Variants in CEP70 observed in about 807,000 individuals in gnomAD.
CEP70 encodes the protein centrosomal protein 70, also known as centrosomal protein of 70 kDa.
A neutral mutation model predicts 90.9 loss-of-function variants in CEP70; 70 were observed. The observed-to-expected ratio is 0.77, with a 90% CI of 0.64 to 0.94. The LOEUF is 0.94. Ranked by LOEUF, CEP70 falls within the 40% of genes least tolerant of loss-of-function variation. The pLI, the probability that CEP70 is intolerant of heterozygous loss-of-function variation, is 0.00. For synonymous variants in CEP70, 220 were observed against 228.3 expected (o/e 0.96, Z 0.33); for missense variants, 648 against 669.0 (o/e 0.97, Z 0.35).
chr3:138,577,380 G>T (rs959616071), intron 2 of CEP70, among the ~76,000 whole-genome samples: 1 of 152,068 alleles, frequency 6.6e-6, no homozygotes, highest in Non-Finnish European at 1.5e-5. Flanking sequence ...CAGGCACAAT[G>T]GCTCATGCCT....
intron 8 of CEP70, 89 bp from the exon 9 acceptor site, chr3:138,529,551 C>A: frequency 1.3e-6 from 1 of 763,114 alleles, no homozygotes; most frequent in Non-Finnish European, 2.2e-6. Context: ...GTTTAATAAT[C>A]TAAACATGAA....
At position 138,529,272 on chromosome 3, in the gene CEP70, G is replaced by A; in HGVS notation, c.796C>T (p.Leu266Phe). 1 of 1,606,768 alleles carries A rather than the reference G, an allele frequency of 6.2e-7. No individual in the cohort carries two copies. The change falls in exon 10 of 18, where the codon CTC becomes TTC. Residue 266 changes from leucine to phenylalanine, a missense_variant. Transcript: ENST00000264982. ...KGLLMSLQNQ[L>F]KESKSKIDAL... ...TCAATCTTAGATTTTGATTCCTTGAGTTGATTCTGTAATGACTGCAACACA... is the reference window on the plus strand; with the variant it reads ...TCAATCTTAGATTTTGATTCCTTGAATTGATTCTGTAATGACTGCAACACA...
chr3:138,500,172 C>A lies in CEP70; in HGVS notation c.1590G>T (p.Arg530Ser). ...VLVSTVGKLCRLINEDVNEQV... is the reference protein window; with the variant it reads ...VLVSTVGKLCSLINEDVNEQV... ...GCTCATTCACATCTTCATTAATCAG[C>A]CTACAGAGTTTTCCAACAGTGCTTA... The change falls in exon 16 of 18, where the codon AGG becomes AGT. Residue 530 changes from arginine to serine, a missense_variant. Physicochemically the swap from Arg to Ser is moderately radical, Grantham distance 110. Transcript: ENST00000264982. 2 of 1,613,930 alleles carry A rather than the reference C, an allele frequency of 1.2e-6. No individual in the cohort carries two copies. The highest frequency in any genetic ancestry group is 1.7e-6 in the Non-Finnish European group (2 of 1,179,842).
chr3:138,497,425 A>C (rs2034049473), intron 17 of CEP70: 3 of 1,131,474 alleles, frequency 2.7e-6, no homozygotes, highest in East Asian at 6.6e-5. Flanking sequence ...CTTAATAGTA[A>C]GATAAATAAT....
intron 6 of CEP70, among the ~76,000 whole-genome samples, chr3:138,543,893 T>G (rs2038960381): frequency 6.6e-6 from 1 of 152,072 alleles, no homozygotes; most frequent in African/African-American, 2.4e-5. Context: ...AGATGTAAAC[T>G]GAGACAACAA....
intron 16 of CEP70, 121 bp downstream of exon 16, chr3:138,499,989 C>T (rs2034339478): frequency 1.4e-6 from 1 of 718,088 alleles, no homozygotes; most frequent in Non-Finnish European, 2.5e-6. Context: ...TCAGACTGGA[C>T]TTAAACTCCT....
At chr3:138,564,951 T>C (rs144972286) in intron 6 of CEP70, among the ~76,000 whole-genome samples, 15 of 152,280 alleles carry the variant, frequency 9.9e-5, no homozygotes, top group East Asian at 3.9e-4. Context: ...GAAAACCCCA[T>C]TGTCTCAGCC....
chr3:138,556,950 G>C (rs992375745), intron 6 of CEP70, among the ~76,000 whole-genome samples: 1 of 152,064 alleles, frequency 6.6e-6, no homozygotes, highest in African/African-American at 2.4e-5. Flanking sequence ...GAGAGCAACC[G>C]GTCTGACCAA....
At chr3:138,569,980 C>T (rs191707476) in intron 6 of CEP70, among the ~76,000 whole-genome samples, 113 of 152,104 alleles carry the variant, frequency 7.4e-4, no homozygotes, top group East Asian at 2.9e-3. Context: ...GACTGGGCTA[C>T]GGATATAAAT....
intron 1 of CEP70, among the ~76,000 whole-genome samples, chr3:138,592,666 C>T (rs558865972): frequency 5.9e-5 from 9 of 152,098 alleles, no homozygotes; most frequent in African/African-American, 2.2e-4. Flanking sequence ...CTAGGTTTCC[C>T]GAGTCTTTCA....
chr3:138,562,773 G>A (rs551333534), intron 6 of CEP70, among the ~76,000 whole-genome samples: 6 of 152,234 alleles, frequency 3.9e-5, no homozygotes, highest in South Asian at 2.1e-4. Context: ...AAAGACCATC[G>A]ACACTATGAA....
At chr3:138,561,118 A>C (rs2040379674) in intron 6 of CEP70, among the ~76,000 whole-genome samples, 1 of 152,122 alleles carries the variant, frequency 6.6e-6, no homozygotes, top group Non-Finnish European at 1.5e-5. Context: ...AGTAGGAGCC[A>C]ACAGACACCT....
chr3:138,570,441 G>T lies in CEP70; in HGVS notation c.342C>A (p.Asp114Glu). The T allele has an allele frequency of 6.2e-7, 1 of 1,609,840 alleles. No individual in the cohort carries two copies. Among genetic ancestry groups the T allele is most frequent in the Non-Finnish European group, 8.5e-7 (1 of 1,178,622 alleles). Reference sequence around the variant, plus strand: ...TCACACTTTCCATAATTTGTTCCAAGTCATTAGCTCGTTGTTCTTGATTGG... The same window carrying T: ...TCACACTTTCCATAATTTGTTCCAATTCATTAGCTCGTTGTTCTTGATTGG... ...RAANQEQRAN[D>E]LEQIMESVKS... is the part of the protein sequence containing the mutation. Residue 114 changes from aspartate to glutamate, a missense_variant, in exon 6 of 18, where the codon GAC (aspartate) becomes GAA (glutamate). Transcript: ENST00000264982.
At chr3:138,540,311 A>G (rs552103955) in intron 6 of CEP70, among the ~76,000 whole-genome samples, 1 of 152,236 alleles carries the variant, frequency 6.6e-6, no homozygotes, top group African/African-American at 2.4e-5. Flanking sequence ...CCCGGCCAAC[A>G]TGGTGAAACC....
chr3:138,530,742 T>C (rs1304352557), intron 8 of CEP70: 1 of 985,316 alleles, frequency 1.0e-6, no homozygotes, highest in Non-Finnish European at 1.2e-6. Flanking sequence ...ACTAATGTAA[T>C]ACTTGTCAAT....
intron 6 of CEP70, among the ~76,000 whole-genome samples, chr3:138,555,248 C>CAAAA (rs200406072): frequency 0.45 from 56,731 of 126,342 alleles, 13,814 homozygotes; most frequent in Admixed American, 0.59. Context: ...GACTCCATCT[C>CAAAA]AAAAAAAAAA....
intron 11 of CEP70, among the ~76,000 whole-genome samples, chr3:138,521,030 C>T (rs745824202): frequency 3.3e-5 from 5 of 152,166 alleles, no homozygotes; most frequent in Non-Finnish European, 7.4e-5. Context: ...GGCTGCTCTC[C>T]AACTCCTGAC....
intron 11 of CEP70, among the ~76,000 whole-genome samples, chr3:138,523,481 G>C (rs1488284438): frequency 4.6e-5 from 7 of 152,190 alleles, no homozygotes; most frequent in Non-Finnish European, 1.0e-4. Flanking sequence ...AAACCCCATT[G>C]TCTCAGCCCA....
Position 138,587,037 on chromosome 3 carries a change from C to T in CEP70, c.-6+4817G>A, listed in dbSNP as rs368591658. 4.6e-5 allele frequency among the ~76,000 whole-genome samples: 7 copies of T among 151,780 alleles called. No individual in the cohort carries two copies. In the East Asian group the frequency reaches 1.4e-3, roughly 29 times the overall value. On this transcript the variant is annotated intron_variant, in intron 2 of 17. Coordinates refer to ENST00000264982, the MANE Select transcript of CEP70 (RefSeq NM_024491.4). ...AATCTCTACAGACAAGAAAAATATA[C>T]TAGAAAGACGTGCTCACAAAACAGA...
Sources: gnomAD v4.1 joint callset for allele counts (sites outside exome capture counted in the v4.1 genomes callset) on GRCh38, gnomAD v4.1.1 for gene constraint, MANE v1.5 for transcripts, NCBI Gene and HGNC (gene_info 2026-07-23, HGNC 2026-07-21) for gene names.